The following PITPNM2 variants were observed in gnomAD, a reference collection of about 807,000 sequenced individuals.
PITPNM2 encodes the protein membrane-associated phosphatidylinositol transfer protein 2.
Under a neutral mutation model 132.2 loss-of-function variants are expected in PITPNM2, and 35 were observed. The observed-to-expected ratio is 0.26, with a 90% CI of 0.20 to 0.35. The LOEUF (loss-of-function observed/expected upper bound fraction) is 0.35. PITPNM2 is among the 10% of genes least tolerant of loss of function. PITPNM2 has a pLI of 1.00. For synonymous variants in PITPNM2, 738 were observed against 799.2 expected (o/e 0.92, Z 1.29); for missense variants, 1,332 against 1,912.0 (o/e 0.70, Z 5.66).
At chr12:123,112,663 T>C (rs569099865) in intron 1 of PITPNM2, among the ~76,000 whole-genome samples, 41 of 151,906 alleles carry the variant, frequency 2.7e-4, no homozygotes, top group African/African-American at 9.7e-4. Context: ...CTCAGCCTCC[T>C]GAGTAGCTGG....
At chr12:123,030,092 T>C (rs2040029024) in intron 3 of PITPNM2, among the ~76,000 whole-genome samples, 1 of 150,760 alleles carries the variant, frequency 6.6e-6, no homozygotes, top group Non-Finnish European at 1.5e-5. Context: ...CCCATGGAGA[T>C]CAGAAAAGCC....
At chr12:123,047,821 C>G (rs1371052156) in intron 2 of PITPNM2, among the ~76,000 whole-genome samples, 1 of 150,774 alleles carries the variant, frequency 6.6e-6, no homozygotes, top group East Asian at 2.0e-4. Context: ...ACAGAATTGG[C>G]CAGGTGCAAT....
chr12:123,001,679 T>C (rs558421584), intron 8 of PITPNM2, among the ~76,000 whole-genome samples: 4 of 152,372 alleles, frequency 2.6e-5, no homozygotes, highest in South Asian at 2.1e-4. Context: ...GTCCATTGCA[T>C]GGACACACCC....
At position 122,997,047 on chromosome 12, in the gene PITPNM2, T is replaced by C. The variant is rs376610682; in HGVS notation, c.1473-137A>G. 9 of 996,304 alleles carry C rather than the reference T, an allele frequency of 9.0e-6. No homozygotes were observed. In the South Asian group the frequency reaches 1.2e-4, roughly 13 times the overall value. The allele number at this position is 996,304 out of a possible 1,614,324, so 61.7% of individuals were successfully genotyped here. The stretch of plus-strand genomic sequence containing the variant: ...CTTCCCGGCCAGGGCCTGGATAGGC[T>C]TGGGGGACCAGGGTGGGTAAGACCC... On this transcript the variant is annotated intron_variant, in intron 11 of 25. Transcript: ENST00000320201.
chr12:123,131,921 G>A (rs936603937), intron 1 of PITPNM2, among the ~76,000 whole-genome samples: 33 of 152,214 alleles, frequency 2.2e-4, no homozygotes, highest in African/African-American at 7.5e-4. Flanking sequence ...AGGCAGGAAG[G>A]AAAGAGAAGC....
intron 3 of PITPNM2, among the ~76,000 whole-genome samples, chr12:123,032,536 G>A (rs948409565): frequency 3.3e-5 from 5 of 152,102 alleles, no homozygotes; most frequent in African/African-American, 1.2e-4. Context: ...GTTTTGAGGA[G>A]CCCAGAGGTG....
chr12:123,055,660 T>A (rs569545514), intron 2 of PITPNM2, among the ~76,000 whole-genome samples: 57 of 152,358 alleles, frequency 3.7e-4, no homozygotes, highest in Admixed American at 5.9e-4. Context: ...CAGATTCACA[T>A]GTTTCTGGAC....
chr12:123,034,326 A>G, intron 3 of PITPNM2, 187 bp downstream of exon 3: 1 of 569,140 alleles, frequency 1.8e-6, no homozygotes, highest in South Asian at 2.5e-5. Context: ...CCGTGCGCCC[A>G]TGGTGTGCTC....
chr12:122,989,785 A>G lies in PITPNM2; in HGVS notation c.2731+2T>C. 1 of 1,396,098 alleles carries G rather than the reference A, an allele frequency of 7.2e-7. No individual in the cohort carries two copies. The highest frequency in any genetic ancestry group is 9.3e-7 in the Non-Finnish European group (1 of 1,071,026). The allele number at this position is 1,396,098 out of a possible 1,614,324, so 86.5% of individuals were successfully genotyped here. The stretch of plus-strand genomic sequence containing the variant: ...GTGAGGGGAAAGTGTGTGGGGTGGT[A>G]CCTTCTCCAATGTCCAGCTCAGGGA... On this transcript the variant is annotated splice_donor_variant, in intron 18 of 25. Transcript: ENST00000320201. LOFTEE classifies it high-confidence loss of function.
chr12:123,122,522 A>C (rs2043052713), intron 1 of PITPNM2, among the ~76,000 whole-genome samples: 1 of 152,206 alleles, frequency 6.6e-6, no homozygotes, highest in African/African-American at 2.4e-5. Flanking sequence ...TCCAAGTCGC[A>C]AGCCTGTTGA....
intron 2 of PITPNM2, among the ~76,000 whole-genome samples, chr12:123,071,884 C>T (rs1430725611): frequency 6.6e-6 from 1 of 152,230 alleles, no homozygotes; most frequent in Non-Finnish European, 1.5e-5. Flanking sequence ...CTTCTACCAG[C>T]TTAGGAAGGT....
rs34425339 is a variant in PITPNM2, at chr12:123,055,891, GACACACAC to G, written c.-95-21214_-95-21207del. Among the ~76,000 whole-genome samples, 4 of 148,954 alleles carry G rather than the reference GACACACAC, an allele frequency of 2.7e-5. No individual in the cohort carries two copies. The East Asian group carries it at 5.9e-4, about 22-fold the overall frequency. On this transcript the variant is annotated intron_variant, in intron 2 of 25. Transcript: ENST00000320201. ...CAATATACTAATATCATAGTTTGAA[GACACACAC>G]ACACACACACACACACTTGCAAGAT...
intron 3 of PITPNM2, among the ~76,000 whole-genome samples, chr12:123,026,321 T>G (rs1367108649): frequency 6.6e-6 from 1 of 152,188 alleles, no homozygotes; most frequent in African/African-American, 2.4e-5. Context: ...AACTAAGGTA[T>G]GCTTGGAGCC....
At chr12:123,148,217 A>C (rs2043657292) in intron 1 of PITPNM2, among the ~76,000 whole-genome samples, 2 of 152,198 alleles carry the variant, frequency 1.3e-5, no homozygotes, top group Non-Finnish European at 2.9e-5. Flanking sequence ...GTTTGGAGGC[A>C]GGGAGTCCTG....
At chr12:123,110,515 G>A (rs1327045162) in intron 1 of PITPNM2, 27 bp from the exon 2 acceptor site, 2 of 152,424 alleles carry the variant, frequency 1.3e-5, no homozygotes, top group Admixed American at 6.5e-5. Context: ...AATGGGAGAG[G>A]AGGTGAGACA....
rs2042720587 is a variant in PITPNM2 at position 123,106,670 on chromosome 12, A to G, written c.-96+3715T>C. ...GTGACAGAACTGGCCAGGGCATGAC[A>G]TGGGTCATCAGATTGTGCCCAGATC... On this transcript the variant is annotated intron_variant, in intron 2 of 25. Coordinates refer to ENST00000320201, the MANE Select transcript of PITPNM2 (RefSeq NM_020845.3). This position sits in a 1 kb window ranked among gnomAD's most constrained non-coding sequence, Gnocchi z 4.4. Among the ~76,000 whole-genome samples the G allele has an allele frequency of 6.6e-6, 1 of 152,212 alleles. No individual in the cohort carries two copies. The highest frequency in any genetic ancestry group is 2.4e-5 in the African/African-American group (1 of 41,464).
chr12:122,997,589 ACAGTGT>A lies in PITPNM2; in HGVS notation c.1225-23_1225-18del. ...AACCTCGTCCTGCATGGGTTGGGGG[ACAGTGT>A]CAGCTCCCCAGGGAACCCAGCTCCT... is the stretch of plus-strand genomic sequence containing the variant. On this transcript the variant is annotated intron_variant, in intron 10 of 25. Coordinates refer to ENST00000320201, the MANE Select transcript of PITPNM2 (RefSeq NM_020845.3). The A allele has an allele frequency of 6.2e-7, 1 of 1,601,628 alleles. No homozygotes were observed. The highest frequency in any genetic ancestry group is 8.5e-7 in the Non-Finnish European group (1 of 1,170,632).
rs1273484051 is a variant in PITPNM2 at position 122,983,488 on chromosome 12, C to T, written c.*2539G>A. ...GTAAAGAGATCCAGAAGGAAGCCTT[C>T]CCGCTTCTTTAATTGGTGTAACAGA... On this transcript the variant is annotated 3_prime_UTR_variant, in exon 26 of 26. Coordinates refer to ENST00000320201, the MANE Select transcript of PITPNM2 (RefSeq NM_020845.3). The T allele has an allele frequency of 1.3e-5, 2 of 152,720 alleles. No homozygotes were observed. The highest frequency in any genetic ancestry group is 2.9e-5 in the Non-Finnish European group (2 of 68,134). The allele number at this position is 152,720 out of a possible 1,614,324, so 9.5% of individuals were successfully genotyped here.
Position 123,145,969 on chromosome 12 carries a change from A to G in PITPNM2, c.-200+4784T>C, listed in dbSNP as rs2043606907. Among the ~76,000 whole-genome samples, 3 of 152,322 alleles carry G rather than the reference A, an allele frequency of 2.0e-5. No homozygotes were observed. The South Asian group carries it at 6.2e-4, about 32-fold the overall frequency. On this transcript the variant is annotated intron_variant, in intron 1 of 25. Transcript: ENST00000320201. ...ATATACACATAGTATAGAATACTAT[A>G]CAGTCATAAAAAAGAATGAGATCAT...
Sources: gnomAD v4.1 joint callset for allele counts (sites outside exome capture counted in the v4.1 genomes callset) on GRCh38, gnomAD v4.1.1 for gene constraint, Gnocchi (gnomAD v3.1) non-coding constraint, MANE v1.5 for transcripts, NCBI Gene and HGNC (gene_info 2026-07-23, HGNC 2026-07-21) for gene names.